Variants in IRAG1 observed in about 807,000 individuals in gnomAD.
The protein encoded by IRAG1 is IP3R-associated cGMP kinase substrate.
A neutral mutation model predicts 106.2 loss-of-function variants in IRAG1; 62 were observed. The observed-to-expected ratio is 0.58, with a 90% confidence interval of 0.48 to 0.72. The LOEUF (loss-of-function observed/expected upper bound fraction) is 0.72, where lower values mean the gene tolerates loss of function less well. Ranked by LOEUF, IRAG1 falls within the 30% of genes least tolerant of loss-of-function variation. IRAG1 has a pLI of 0.00. For synonymous variants in IRAG1, 462 were observed against 443.9 expected, an observed-to-expected ratio of 1.04 and a Z score of -0.51; for missense variants, 1,064 against 1,140.7, an observed-to-expected ratio of 0.93 and a Z score of 0.97.
At position 10,580,604 on chromosome 11, in the gene IRAG1, G is replaced by C. The variant is rs898160107; in HGVS notation, c.2361-15C>G. 19 of 1,606,304 alleles carry C rather than the reference G, an allele frequency of 1.2e-5. No individual in the cohort carries two copies. Among genetic ancestry groups the C allele is most frequent in the Non-Finnish European group, 1.6e-5 (19 of 1,178,982 alleles). On this transcript the variant is annotated splice_polypyrimidine_tract_variant and intron_variant, in intron 19 of 20. Coordinates refer to ENST00000423302, the MANE Select transcript of IRAG1 (RefSeq NM_130385.4). ...CTTCTTGGAATCTGGGGGGCAAAAA[G>C]GAACAGTTGAGTCTGGAAAGGGCAG...
At chr11:10,582,166 A>T (rs1355294249) in intron 18 of IRAG1, among the ~76,000 whole-genome samples, 180 bp from the exon 19 acceptor site, 1 of 152,204 alleles carries the variant, frequency 6.6e-6, no homozygotes, top group African/African-American at 2.4e-5. Flanking sequence ...GTCCTAGTCC[A>T]TGAATTTTCC....
chr11:10,678,971 G>A (rs933691840), intron 1 of IRAG1, among the ~76,000 whole-genome samples: 1 of 152,130 alleles, frequency 6.6e-6, no homozygotes, highest in African/African-American at 2.4e-5. Flanking sequence ...TTCAACCCAA[G>A]GTCAACCCAA....
intron 16 of IRAG1, chr11:10,593,897 G>T (rs1013335057): frequency 3.5e-6 from 2 of 572,900 alleles, no homozygotes; most frequent in South Asian, 2.2e-5. Context: ...TATTCAAGCT[G>T]CCTGTAGCAA....
At position 10,576,554 on chromosome 11, in the gene IRAG1, A is replaced by G. The variant is rs753895770; in HGVS notation, c.2517T>C (p.His839=). 6.2e-7 allele frequency: 1 copy of G among 1,614,030 alleles called. No homozygotes were observed. Among genetic ancestry groups the G allele is most frequent in the South Asian group, 1.1e-5 (1 of 91,080 alleles). Residue 839 remains histidine, a synonymous_variant, in exon 21 of 21, where the codon CAT becomes CAC. Transcript: ENST00000423302. ...GTTTGGGATACATGACTTGTAAGAA[A>G]TGGACCAATTCTTCAAGTTTGCTGT... is the stretch of plus-strand genomic sequence containing the variant. ...PRSSKLEELV[H]FLQVMYPKLC...
intron 13 of IRAG1, among the ~76,000 whole-genome samples, chr11:10,603,757 CA>C (rs1382655965): frequency 1.3e-5 from 2 of 152,030 alleles, no homozygotes; most frequent in African/African-American, 4.8e-5. Context: ...AGTGGAGCCC[CA>C]CGAATGGAAT....
At chr11:10,677,662 T>G (rs940793059) in intron 1 of IRAG1, among the ~76,000 whole-genome samples, 1 of 152,210 alleles carries the variant, frequency 6.6e-6, no homozygotes, top group Non-Finnish European at 1.5e-5. Flanking sequence ...CATTTTGAAG[T>G]GTACAATTCA....
chr11:10,628,949 G>C lies in IRAG1; in HGVS notation c.575-121C>G. On this transcript the variant is annotated intron_variant, in intron 5 of 20. Coordinates refer to ENST00000423302, the MANE Select transcript of IRAG1 (RefSeq NM_130385.4). The surrounding 1 kb of genome is among the most constrained non-coding windows in gnomAD (Gnocchi z 4.1). Reference sequence around the variant, plus strand: ...TGGGTCTGCCTTGCTGGGCTCAGGGGCTGATGCTGGACTGCAATATGATGC... The same window carrying C: ...TGGGTCTGCCTTGCTGGGCTCAGGGCCTGATGCTGGACTGCAATATGATGC... 1.1e-6 allele frequency: 1 copy of C among 893,692 alleles called. No homozygotes were observed. The highest frequency in any genetic ancestry group is 1.7e-6 in the Non-Finnish European group (1 of 581,404). The allele number at this position is 893,692 out of a possible 1,614,324, so 55.4% of individuals were successfully genotyped here. A position where few individuals can be genotyped will look rare whatever the true frequency, so the allele number is the denominator to read the frequency against.
rs185042150 is a variant in IRAG1 at position 10,684,065 on chromosome 11, A to G, written c.67+9471T>C. On this transcript the variant is annotated intron_variant, in intron 1 of 20. Coordinates refer to ENST00000423302, the MANE Select transcript of IRAG1 (RefSeq NM_130385.4). ...TGCTAAAAAAATTTTCTCTAAACTA[A>G]TAAGATGCAACATCCAAAAAACTTG... is the stretch of plus-strand genomic sequence containing the variant. 1.4e-3 allele frequency among the ~76,000 whole-genome samples: 210 copies of G among 152,334 alleles called. 2 individuals carry two copies. The highest frequency in any genetic ancestry group is 4.2e-3 in the Admixed American group (65 of 15,306).
chr11:10,620,308 AAAT>A (rs1328600455), intron 10 of IRAG1, among the ~76,000 whole-genome samples: 2 of 152,170 alleles, frequency 1.3e-5, no homozygotes, highest in Non-Finnish European at 2.9e-5. Flanking sequence ...AATTCCTCTA[AAAT>A]AACACAAAAC....
Position 10,576,537 on chromosome 11 carries a change from T to G in IRAG1, c.2534A>C (p.Tyr845Ser). Residue 845 changes from tyrosine (Y) to serine (S), a missense_variant, in exon 21 of 21, where the codon TAT becomes TCT. Coordinates refer to ENST00000423302, the MANE Select transcript of IRAG1 (RefSeq NM_130385.4). ...TTGCCAGTGCTGACACAGTTTGGGA[T>G]ACATGACTTGTAAGAAATGGACCAA... ...EELVHFLQVM[Y>S]PKLCQHWQVI... 6.2e-7 allele frequency: 1 copy of G among 1,614,030 alleles called. No individual in the cohort carries two copies.
intron 8 of IRAG1, 23 bp downstream of exon 8, chr11:10,627,693 A>G: frequency 6.2e-7 from 1 of 1,613,796 alleles, no homozygotes. Flanking sequence ...AAATCATCCA[A>G]AGGGAGCAAA....
chr11:10,621,167 C>T (rs1007517220), intron 10 of IRAG1, among the ~76,000 whole-genome samples: 2 of 152,076 alleles, frequency 1.3e-5, no homozygotes, highest in South Asian at 2.1e-4. Flanking sequence ...GAAGTATATG[C>T]TGCATTTTCA....
chr11:10,601,918 G>T (rs1854058826), intron 14 of IRAG1, among the ~76,000 whole-genome samples: 1 of 152,210 alleles, frequency 6.6e-6, no homozygotes, highest in African/African-American at 2.4e-5. Context: ...TGGCGTGAGT[G>T]ACAGGTGGGC....
rs79616080 is a variant in IRAG1, at chr11:10,648,876, T to C, written c.225+3149A>G. Among the ~76,000 whole-genome samples, 538 of 152,288 alleles carry C rather than the reference T, an allele frequency of 3.5e-3. 9 individuals carry two copies. The East Asian group carries it at 0.055, about 16-fold the overall frequency. ...GATCTAGTCCTACAGATTTTGTGTT[T>C]GTGTGTGAGAAGGCCTCGGCTAGTG... On this transcript the variant is annotated intron_variant, in intron 2 of 20. Transcript: ENST00000423302.
chr11:10,604,582 G>A, intron 12 of IRAG1, 37 bp from the exon 13 acceptor site: 1 of 1,613,412 alleles, frequency 6.2e-7, no homozygotes, highest in Non-Finnish European at 8.5e-7. Flanking sequence ...GTGCTGGGAG[G>A]AGTTACTGCA....
At chr11:10,658,357 T>A (rs1859098872) in intron 1 of IRAG1, 1 of 152,336 alleles carries the variant, frequency 6.6e-6, no homozygotes, top group Non-Finnish European at 1.5e-5. Flanking sequence ...AGTTCCCTCA[T>A]TTGAAAATGG....
chr11:10,602,055 C>T (rs985323003), intron 14 of IRAG1, among the ~76,000 whole-genome samples: 11 of 152,200 alleles, frequency 7.2e-5, no homozygotes, highest in African/African-American at 2.4e-4. Context: ...CCAGTGGCTT[C>T]GCAGGAACAG....
chr11:10,656,906 C>T (rs766150336), intron 1 of IRAG1, among the ~76,000 whole-genome samples: 3 of 152,082 alleles, frequency 2.0e-5, no homozygotes, highest in Non-Finnish European at 4.4e-5. Flanking sequence ...GGAGTGAGTA[C>T]TCCCAGTGAG....
intron 1 of IRAG1, among the ~76,000 whole-genome samples, chr11:10,688,425 C>A (rs569002846): frequency 3.1e-4 from 47 of 152,290 alleles, no homozygotes; most frequent in African/African-American, 1.1e-3. Flanking sequence ...AGGCTTTCTT[C>A]TCCTCCTGAT....
Sources: allele counts gnomAD v4.1 joint callset (sites outside exome capture counted in the v4.1 genomes callset), GRCh38; gene constraint gnomAD v4.1.1; non-coding constraint Gnocchi (gnomAD v3.1); transcripts MANE v1.5; gene names NCBI Gene and HGNC (gene_info 2026-07-23, HGNC 2026-07-21).